The following DOCK4 variants were observed in gnomAD, a reference collection of about 807,000 sequenced individuals.
The protein encoded by DOCK4 is dedicator of cytokinesis 4.
A neutral mutation model predicts 268.1 loss-of-function variants in DOCK4; 97 were observed. The ratio of observed to expected loss-of-function variants is 0.36; its 90% CI spans 0.31 to 0.43. The LOEUF (loss-of-function observed/expected upper bound fraction) is 0.43. DOCK4 is among the 20% of genes least tolerant of loss of function. DOCK4 has a pLI of 1.00. For synonymous variants in DOCK4, 954 were observed against 887.2 expected, an observed-to-expected ratio of 1.08 and a Z score of -1.34; for missense variants, 2,145 against 2,455.7, an observed-to-expected ratio of 0.87 and a Z score of 2.67.
intron 36 of DOCK4, among the ~76,000 whole-genome samples, chr7:111,771,305 A>G (rs1323557698): frequency 6.6e-6 from 1 of 152,182 alleles, no homozygotes; most frequent in African/African-American, 2.4e-5. Context: ...CAGTCCTCAT[A>G]GTTGGAGCCC....
chr7:112,043,235 T>C (rs1804545664), intron 1 of DOCK4, among the ~76,000 whole-genome samples: 1 of 133,932 alleles, frequency 7.5e-6, no homozygotes, highest in South Asian at 2.2e-4. Flanking sequence ...AAATCTCCTT[T>C]ATAAAAAAAA....
intron 1 of DOCK4, among the ~76,000 whole-genome samples, chr7:112,165,609 T>C (rs1029265417): frequency 1.3e-5 from 2 of 151,742 alleles, no homozygotes; most frequent in Non-Finnish European, 2.9e-5. Flanking sequence ...TCAATCCATG[T>C]TTTACATATT....
chr7:112,041,359 G>A (rs1163885294), intron 1 of DOCK4, among the ~76,000 whole-genome samples: 1 of 152,146 alleles, frequency 6.6e-6, no homozygotes, highest in South Asian at 2.1e-4. Flanking sequence ...ATTAGCCAAC[G>A]TTTTAATCAA....
intron 13 of DOCK4, among the ~76,000 whole-genome samples, chr7:111,915,520 T>C (rs185458651): frequency 7.9e-5 from 12 of 152,318 alleles, no homozygotes; most frequent in Admixed American, 5.9e-4. Context: ...TTAACAACTT[T>C]AGAATAATCA....
chr7:111,847,864 C>T (rs752642740), intron 23 of DOCK4, among the ~76,000 whole-genome samples: 2 of 152,180 alleles, frequency 1.3e-5, no homozygotes, highest in Non-Finnish European at 2.9e-5. Context: ...TCCCTTTTCT[C>T]CCCAAGCCTC....
At chr7:112,157,428 A>C (rs1275013149) in intron 1 of DOCK4, among the ~76,000 whole-genome samples, 1 of 152,206 alleles carries the variant, frequency 6.6e-6, no homozygotes, top group African/African-American at 2.4e-5. Flanking sequence ...TTAAGGGTTA[A>C]AAGAAAGCAC....
intron 1 of DOCK4, among the ~76,000 whole-genome samples, chr7:112,005,699 G>A (rs1800802509): frequency 6.6e-6 from 1 of 151,598 alleles, no homozygotes; most frequent in African/African-American, 2.4e-5. Context: ...CTGCACTACT[G>A]ATGTTTCTCT....
At chr7:111,874,003 T>G (rs1190533965) in intron 17 of DOCK4, among the ~76,000 whole-genome samples, 1 of 152,156 alleles carries the variant, frequency 6.6e-6, no homozygotes, top group African/African-American at 2.4e-5. Flanking sequence ...TAAAACTGAT[T>G]GGTTATATTT....
chr7:111,892,836 A>G (rs752202853), intron 16 of DOCK4, among the ~76,000 whole-genome samples: 1 of 152,218 alleles, frequency 6.6e-6, no homozygotes. Flanking sequence ...TAGTATGAGA[A>G]ATAAAAATAA....
chr7:112,129,511 C>T (rs1438545961), intron 1 of DOCK4, among the ~76,000 whole-genome samples: 1 of 152,090 alleles, frequency 6.6e-6, no homozygotes, highest in African/African-American at 2.4e-5. Context: ...CACACACACA[C>T]ATTAGTGTGT....
At chr7:111,740,729 TAAAAA>T (rs59019816) in intron 47 of DOCK4, among the ~76,000 whole-genome samples, 1 of 16,486 alleles carries the variant, frequency 6.1e-5, no homozygotes, top group Non-Finnish European at 9.3e-5. Flanking sequence ...TGAGACTCGC[TAAAAA>T]AAAAAAAAAA....
At chr7:111,935,010 A>AC (rs1794612054) in intron 12 of DOCK4, among the ~76,000 whole-genome samples, 1 of 151,508 alleles carries the variant, frequency 6.6e-6, no homozygotes, top group African/African-American at 2.4e-5. Flanking sequence ...GCAATGGCAC[A>AC]ATCTCAGCTC....
Position 111,983,858 on chromosome 7 carries a change from G to GCACA in DOCK4, c.549+447_549+448insTGTG, listed in dbSNP as rs1300676029. ...TGTACACACACACGCGCGCGCGCGCGCGCGCACACACACACACACACACAC... is the reference window on the plus strand; with the variant it reads ...TGTACACACACACGCGCGCGCGCGCGCACACGCGCACACACACACACACACACAC... On this transcript the variant is annotated intron_variant, in intron 7 of 52. Transcript: ENST00000428084. Among the ~76,000 whole-genome samples, 71 of 90,014 alleles carry GCACA rather than the reference G, an allele frequency of 7.9e-4. 1 individual carries two copies. Among genetic ancestry groups the GCACA allele is most frequent in the Admixed American group, 4.8e-3 (44 of 9,094 alleles). 59.1% of individuals were successfully genotyped at this position (90,014 alleles called of 152,430 possible).
intron 1 of DOCK4, among the ~76,000 whole-genome samples, chr7:112,201,670 T>TG (rs1217837871): frequency 1.1e-3 from 120 of 111,168 alleles, no homozygotes; most frequent in Admixed American, 4.1e-3. Flanking sequence ...GGGGGAGGAA[T>TG]GGGGGGGTGT....
chr7:111,842,951 G>A (rs1033928585), intron 25 of DOCK4, among the ~76,000 whole-genome samples: 1 of 152,212 alleles, frequency 6.6e-6, no homozygotes, highest in East Asian at 1.9e-4. Flanking sequence ...AGCTAAAACA[G>A]AAGGTTTATG....
chr7:112,166,041 C>G (rs916496042), intron 1 of DOCK4, among the ~76,000 whole-genome samples: 9 of 152,176 alleles, frequency 5.9e-5, no homozygotes, highest in Admixed American at 5.2e-4. Flanking sequence ...CACATCTTTT[C>G]TCATCTTCTT....
intron 20 of DOCK4, 117 bp from the exon 21 acceptor site, chr7:111,869,772 A>G (rs1213912258): frequency 1.3e-6 from 1 of 798,808 alleles, no homozygotes; most frequent in Non-Finnish European, 2.1e-6. Context: ...CAGTTCTCAC[A>G]TTTTCCTGTC....
intron 6 of DOCK4, among the ~76,000 whole-genome samples, chr7:111,984,660 T>C (rs1798910257): frequency 6.6e-6 from 1 of 152,160 alleles, no homozygotes; most frequent in African/African-American, 2.4e-5. Flanking sequence ...CTGGGGGCCT[T>C]AGCACCACAT....
intron 20 of DOCK4, among the ~76,000 whole-genome samples, chr7:111,870,406 C>T (rs1250579500): frequency 1.3e-5 from 2 of 151,008 alleles, no homozygotes; most frequent in East Asian, 1.9e-4. Context: ...CAACCTCTGC[C>T]GCCCTCCTGG....
Sources: gnomAD v4.1 joint callset for allele counts (sites outside exome capture counted in the v4.1 genomes callset) on GRCh38, gnomAD v4.1.1 for gene constraint, MANE v1.5 for transcripts, NCBI Gene and HGNC (gene_info 2026-07-23, HGNC 2026-07-21) for gene names.